Variants in RGS7 observed in about 807,000 individuals in gnomAD.
The protein encoded by RGS7 is regulator of G-protein signaling 7.
RGS7 carries 27 observed loss-of-function variants against 81.1 expected under a neutral mutation model. The ratio of observed to expected loss-of-function variants is 0.33; its 90% CI spans 0.25 to 0.46. The LOEUF (loss-of-function observed/expected upper bound fraction) is 0.46, where lower values mean the gene tolerates loss of function less well. Ranked by LOEUF, RGS7 falls within the 20% of genes least tolerant of loss-of-function variation. The probability of loss-of-function intolerance (pLI) is 1.00; values close to 1 mark genes in which losing one functional copy is unlikely to be tolerated. For missense variants in RGS7, 396 were observed against 607.4 expected (o/e 0.65, Z 3.66); for synonymous variants, 208 against 207.7 (o/e 1.00, Z -0.01).
chr1:241,166,528 T>C (rs1391654113), intron 2 of RGS7, among the ~76,000 whole-genome samples: 1 of 152,176 alleles, frequency 6.6e-6, no homozygotes, highest in African/African-American at 2.4e-5. Flanking sequence ...AAGGCTGAGA[T>C]AGGCAGGGCC....
In RGS7 at chr1:240,949,220, T is replaced by C. The variant is rs568581717; in HGVS notation, c.227-12514A>G. Among the ~76,000 whole-genome samples the C allele has an allele frequency of 5.3e-5, 8 of 152,296 alleles. No homozygotes were observed. In the East Asian group the frequency reaches 9.6e-4, roughly 18 times the overall value. On this transcript the variant is annotated intron_variant, in intron 4 of 18. Coordinates refer to ENST00000440928, the MANE Select transcript of RGS7 (RefSeq NM_001364886.1). ...TCTCACCTTTCAATTTTGATTTGTT[T>C]CCTAGGCTTATCTTATGTAATTAAT...
At chr1:241,257,591 T>C (rs1297478262) in intron 2 of RGS7, among the ~76,000 whole-genome samples, 8 of 152,228 alleles carry the variant, frequency 5.3e-5, no homozygotes, top group Non-Finnish European at 8.8e-5. Flanking sequence ...AAACAATACA[T>C]TTCCCTTTGG....
intron 3 of RGS7, among the ~76,000 whole-genome samples, chr1:240,995,381 T>C (rs1687114532): frequency 6.6e-6 from 1 of 152,222 alleles, no homozygotes; most frequent in African/African-American, 2.4e-5. Flanking sequence ...TCTCCTCTTC[T>C]GTTTTCTGGA....
intron 2 of RGS7, among the ~76,000 whole-genome samples, chr1:241,106,282 T>C (rs1237619558): frequency 6.6e-6 from 1 of 152,224 alleles, no homozygotes; most frequent in Non-Finnish European, 1.5e-5. Context: ...AGTCAGTATC[T>C]TAACTCAGAA....
rs777839011 is a variant in RGS7, at chr1:240,793,586, A to AAT, written c.*6+7053_*6+7054dup. The stretch of plus-strand genomic sequence containing the variant: ...TTATTTTCACTGAAGGTGTAGTAGG[A>AAT]ATATATATATATATATATATATATA... On this transcript the variant is annotated intron_variant, in intron 18 of 18. Transcript: ENST00000440928. Among the ~76,000 whole-genome samples the AAT allele has an allele frequency of 9.8e-3, 1,000 of 102,196 alleles. 17 individuals carry two copies. Among genetic ancestry groups the AAT allele is most frequent in the East Asian group, 0.017 (66 of 3,970 alleles). 67.0% of individuals were successfully genotyped at this position (102,196 alleles called of 152,430 possible).
chr1:241,268,894 CT>C (rs2077730810), intron 2 of RGS7, among the ~76,000 whole-genome samples: 1 of 152,162 alleles, frequency 6.6e-6, no homozygotes, highest in South Asian at 2.1e-4. Context: ...TCTTTTCTGT[CT>C]TTTACTGGCA....
At chr1:240,977,153 G>C (rs1385655101) in intron 4 of RGS7, among the ~76,000 whole-genome samples, 1 of 141,930 alleles carries the variant, frequency 7.0e-6, no homozygotes, top group Non-Finnish European at 1.5e-5. Flanking sequence ...GCTTTGTCCT[G>C]TTTCTCTGGA....
intron 2 of RGS7, among the ~76,000 whole-genome samples, chr1:241,224,850 G>A (rs1292679889): frequency 6.6e-6 from 1 of 152,128 alleles, no homozygotes; most frequent in African/African-American, 2.4e-5. Flanking sequence ...TCTCTCCACA[G>A]TATAGCTCAG....
At chr1:241,032,092 T>C (rs1042679409) in intron 3 of RGS7, among the ~76,000 whole-genome samples, 1 of 152,246 alleles carries the variant, frequency 6.6e-6, no homozygotes, top group Non-Finnish European at 1.5e-5. Context: ...TTACTTCTAG[T>C]ATTTCTATAG....
intron 2 of RGS7, among the ~76,000 whole-genome samples, chr1:241,250,951 C>T (rs1294023949): frequency 6.6e-6 from 1 of 152,190 alleles, no homozygotes; most frequent in African/African-American, 2.4e-5. Flanking sequence ...CCTTGCTCAT[C>T]TTTAAATCCC....
intron 2 of RGS7, among the ~76,000 whole-genome samples, chr1:241,277,345 C>T (rs923372692): frequency 3.9e-5 from 6 of 152,124 alleles, no homozygotes; most frequent in South Asian, 4.1e-4. Flanking sequence ...GCAGGCCAGG[C>T]GTGGTGGCTC....
At chr1:241,059,851 G>A (rs559945819) in intron 3 of RGS7, among the ~76,000 whole-genome samples, 25 of 152,196 alleles carry the variant, frequency 1.6e-4, no homozygotes, top group African/African-American at 6.0e-4. Context: ...GCACAAAATT[G>A]ATCCTCCTTC....
intron 18 of RGS7, among the ~76,000 whole-genome samples, chr1:240,800,095 GCTT>G (rs1687788976): frequency 6.6e-6 from 1 of 152,146 alleles, no homozygotes; most frequent in Admixed American, 6.5e-5. Flanking sequence ...AACTTGAAAT[GCTT>G]CTTAAACAAT....
rs2068424502 is a variant in RGS7 at position 241,147,780 on chromosome 1, T to TATATATA, written c.79-49019_79-49018insTATATAT. 6.5e-4 allele frequency among the ~76,000 whole-genome samples: 29 copies of TATATATA among 44,644 alleles called. No individual in the cohort carries two copies. The South Asian group carries it at 7.3e-3, about 11-fold the overall frequency. The allele number at this position is 44,644 out of a possible 152,430, so 29.3% of individuals were successfully genotyped here. A position where few individuals can be genotyped will look rare whatever the true frequency, so the allele number is the denominator to read the frequency against. On this transcript the variant is annotated intron_variant, in intron 2 of 18. Coordinates refer to ENST00000440928, the MANE Select transcript of RGS7 (RefSeq NM_001364886.1). ...TTAAATATCCCATCTAGATTAAGTT[T>TATATATA]TATATATATATATATATATATATAT...
chr1:240,856,524 C>T (rs1187458047), intron 9 of RGS7, among the ~76,000 whole-genome samples: 1 of 152,074 alleles, frequency 6.6e-6, no homozygotes, highest in African/African-American at 2.4e-5. Context: ...CTTTACTTCT[C>T]TTATTCCTTT....
intron 6 of RGS7, among the ~76,000 whole-genome samples, chr1:240,896,588 G>T (rs1669129014): frequency 1.3e-5 from 2 of 152,142 alleles, no homozygotes; most frequent in Admixed American, 6.5e-5. Context: ...AAGATCAGAT[G>T]GTTGTAGATG....
chr1:240,875,820 C>A (rs945119822), intron 6 of RGS7, among the ~76,000 whole-genome samples: 5 of 152,198 alleles, frequency 3.3e-5, no homozygotes, highest in Non-Finnish European at 7.3e-5. Context: ...ACCTGTTGGC[C>A]ATTTGTAGGT....
intron 4 of RGS7, among the ~76,000 whole-genome samples, chr1:240,946,755 T>C (rs927447187): frequency 5.9e-5 from 9 of 152,082 alleles, no homozygotes; most frequent in African/African-American, 2.2e-4. Context: ...GGCTGGTCAA[T>C]GGGTACAAAA....
chr1:241,300,962 G>A (rs1407034618), intron 2 of RGS7, among the ~76,000 whole-genome samples: 2 of 152,218 alleles, frequency 1.3e-5, no homozygotes, highest in African/African-American at 4.8e-5. Context: ...TCTAATAGGT[G>A]TTAATGGTAT....
Sources: gnomAD v4.1 joint callset for allele counts (sites outside exome capture counted in the v4.1 genomes callset) on GRCh38, gnomAD v4.1.1 for gene constraint, MANE v1.5 for transcripts, NCBI Gene and HGNC (gene_info 2026-07-23, HGNC 2026-07-21) for gene names.